Variants in TYW1B observed in about 807,000 individuals in gnomAD.
TYW1B encodes the protein S-adenosyl-L-methionine-dependent tRNA 4-demethylwyosine synthase TYW1B.
A neutral mutation model predicts 86.9 loss-of-function variants in TYW1B; 73 were observed. The observed-to-expected ratio is 0.84, with a 90% CI of 0.70 to 1.02. TYW1B has a LOEUF of 1.02. TYW1B is among the 50% of genes least tolerant of loss of function. The pLI, the probability that TYW1B is intolerant of heterozygous loss-of-function variation, is 0.00. For synonymous variants in TYW1B, 248 were observed against 292.8 expected (o/e 0.85, Z 1.56); for missense variants, 637 against 827.4 (o/e 0.77, Z 2.82).
intron 11 of TYW1B, among the ~76,000 whole-genome samples, chr7:72,635,896 T>G (rs1336183573): frequency 6.6e-6 from 1 of 152,248 alleles, no homozygotes; most frequent in Non-Finnish European, 1.5e-5. Flanking sequence ...GAATTCCATC[T>G]CTTCTTGGCC....
chr7:72,595,443 G>T (rs1811508166), intron 13 of TYW1B, among the ~76,000 whole-genome samples: 1 of 152,148 alleles, frequency 6.6e-6, no homozygotes, highest in African/African-American at 2.4e-5. Flanking sequence ...CAACACTTTG[G>T]AAGGCTGAGG....
rs372396093 is a variant in TYW1B, at chr7:72,619,610, C to T, written c.1618-2771G>A. On this transcript the variant is annotated intron_variant, in intron 12 of 13. Transcript: ENST00000620995. Reference sequence around the variant, plus strand: ...GAGCCGAGATTGCGCCACTGCAGTCCGCAGTCTGGCCTGGGCGACAGAGCA... The same window carrying T: ...GAGCCGAGATTGCGCCACTGCAGTCTGCAGTCTGGCCTGGGCGACAGAGCA... Among the ~76,000 whole-genome samples the T allele has an allele frequency of 4.8e-5, 7 of 145,440 alleles. No individual in the cohort carries two copies. The South Asian group carries it at 8.7e-4, about 18-fold the overall frequency.
chr7:72,601,512 G>T (rs1252411468), intron 13 of TYW1B, among the ~76,000 whole-genome samples: 1 of 152,032 alleles, frequency 6.6e-6, no homozygotes, highest in Non-Finnish European at 1.5e-5. Flanking sequence ...ATTGCACTTA[G>T]ATATTTACCC....
chr7:72,607,897 C>A (rs1348317772), intron 13 of TYW1B, among the ~76,000 whole-genome samples: 1 of 152,168 alleles, frequency 6.6e-6, no homozygotes, highest in Non-Finnish European at 1.5e-5. Context: ...CAGGCCAAGG[C>A]AACCTGTAAT....
intron 11 of TYW1B, among the ~76,000 whole-genome samples, chr7:72,673,446 G>C (rs1268372546): frequency 6.1e-4 from 92 of 151,450 alleles, no homozygotes; most frequent in East Asian, 1.7e-3. Flanking sequence ...CCTGTCATCT[G>C]CAACATGGAT....
At chr7:72,786,019 G>GT (rs1788123594) in intron 6 of TYW1B, among the ~76,000 whole-genome samples, 1 of 151,954 alleles carries the variant, frequency 6.6e-6, no homozygotes, top group Non-Finnish European at 1.5e-5. Context: ...GGCTGAGGCA[G>GT]AATTGCATGA....
chr7:72,694,227 T>C lies in TYW1B; in HGVS notation c.1506+460A>G, dbSNP rs1585908306. Among the ~76,000 whole-genome samples, 3 of 152,300 alleles carry C rather than the reference T, an allele frequency of 2.0e-5. No homozygotes were observed. The East Asian group carries it at 5.8e-4, about 29-fold the overall frequency. ...ATCCGCCTGCCTCACCCTCCCAAAGTCCTGGGTTTGCAGGCAGGCGTGAAC... is the reference window on the plus strand; with the variant it reads ...ATCCGCCTGCCTCACCCTCCCAAAGCCCTGGGTTTGCAGGCAGGCGTGAAC... On this transcript the variant is annotated intron_variant, in intron 11 of 13. Transcript: ENST00000620995.
rs1436464752 is a variant in TYW1B, at chr7:72,600,853, C to A, written c.1785+15819G>T. ...CTCCAGCCTGGGCGACAGAGAGAGA[C>A]CTTGTCTCTTAAAAAAAAAAGGGCC... On this transcript the variant is annotated intron_variant, in intron 13 of 13. Coordinates refer to ENST00000620995, the MANE Select transcript of TYW1B (RefSeq NM_001145440.3). 2.6e-4 allele frequency among the ~76,000 whole-genome samples: 39 copies of A among 151,870 alleles called. No homozygotes were observed. The East Asian group carries it at 5.0e-3, about 20-fold the overall frequency.
At chr7:72,826,822 A>G (rs782262481) in intron 2 of TYW1B, 33 bp downstream of exon 2, 1 of 1,603,076 alleles carries the variant, frequency 6.2e-7, no homozygotes, top group South Asian at 1.1e-5. Context: ...TCTGATGCCT[A>G]AATACTCTAT....
chr7:72,727,484 G>T lies in TYW1B; in HGVS notation c.1192+1338C>A, dbSNP rs535892073. Among the ~76,000 whole-genome samples, 512 of 152,234 alleles carry T rather than the reference G, an allele frequency of 3.4e-3. 2 individuals are homozygous for T. The highest frequency in any genetic ancestry group is 0.012 in the African/African-American group (483 of 41,528). ...CATGTACAGTAGTGGTTCTCAAAGCGTGGTCCCCAGTTGAATAACATCAAC... is the reference window on the plus strand; with the variant it reads ...CATGTACAGTAGTGGTTCTCAAAGCTTGGTCCCCAGTTGAATAACATCAAC... On this transcript the variant is annotated intron_variant, in intron 9 of 13. Transcript: ENST00000620995.
chr7:72,702,165 T>C (rs1484936751), intron 10 of TYW1B, among the ~76,000 whole-genome samples: 1 of 152,188 alleles, frequency 6.6e-6, no homozygotes, highest in Non-Finnish European at 1.5e-5. Flanking sequence ...CAATTGTCTA[T>C]AATTGTTTAG....
intron 11 of TYW1B, among the ~76,000 whole-genome samples, chr7:72,667,873 A>G (rs1813506261): frequency 6.6e-6 from 1 of 152,174 alleles, no homozygotes; most frequent in African/African-American, 2.4e-5. Flanking sequence ...AGAAAATTCT[A>G]TTCCCTTGTG....
intron 11 of TYW1B, among the ~76,000 whole-genome samples, chr7:72,648,443 TGAGGCATGA>T (rs1422910470): frequency 6.6e-6 from 1 of 150,494 alleles, no homozygotes; most frequent in Non-Finnish European, 1.5e-5. Context: ...CTCGGAAGGC[TGAGGCATGA>T]GAATCACTTG....
At position 72,616,583 on chromosome 7, in the gene TYW1B, T is replaced by C; in HGVS notation, c.1785+89A>G. 2.5e-6 allele frequency: 4 copies of C among 1,602,902 alleles called. No homozygotes were observed. In the South Asian group the frequency reaches 3.3e-5, roughly 13 times the overall value. On this transcript the variant is annotated intron_variant, in intron 13 of 13. Transcript: ENST00000620995. ...GTAGCAAGCACGCAGATCATCCCTA[T>C]AACAACGTAAGAGGAAAATAAAGAG... is the stretch of plus-strand genomic sequence containing the variant.
chr7:72,736,415 G>A (rs575879887), intron 8 of TYW1B, among the ~76,000 whole-genome samples: 4 of 152,212 alleles, frequency 2.6e-5, no homozygotes, highest in South Asian at 2.1e-4. Context: ...TCTTTATTAC[G>A]GCTAGCAGAT....
intron 13 of TYW1B, among the ~76,000 whole-genome samples, chr7:72,605,238 A>G (rs1316073998): frequency 6.6e-6 from 1 of 152,186 alleles, no homozygotes. Context: ...TCCAGAGGCT[A>G]TATCATGTTG....
intron 11 of TYW1B, among the ~76,000 whole-genome samples, chr7:72,634,528 G>T (rs1170457036): frequency 1.3e-5 from 2 of 149,458 alleles, no homozygotes; most frequent in Non-Finnish European, 3.0e-5. Flanking sequence ...CATTTTCTAG[G>T]ATCTACCTAA....
In TYW1B at chr7:72,828,175, G is replaced by A. The variant is rs1554481873; in HGVS notation, c.-100C>T. On this transcript the variant is annotated 5_prime_UTR_variant, in exon 1 of 14. Transcript: ENST00000620995. ...CACCGAGCTACCTCGCGGCGTTAGC[G>A]CCGTACCGAGTGGCTGCAGAACTGT... 1.9e-6 allele frequency: 3 copies of A among 1,578,876 alleles called. No individual in the cohort carries two copies. The highest frequency in any genetic ancestry group is 2.3e-5 in the East Asian group (1 of 43,352).
At chr7:72,700,999 G>A (rs1463842135) in intron 10 of TYW1B, among the ~76,000 whole-genome samples, 1 of 152,008 alleles carries the variant, frequency 6.6e-6, no homozygotes, top group Non-Finnish European at 1.5e-5. Context: ...GGGAGGCGGA[G>A]GTTGCAGTGA....
Sources: allele counts gnomAD v4.1 joint callset (sites outside exome capture counted in the v4.1 genomes callset), GRCh38; gene constraint gnomAD v4.1.1; transcripts MANE v1.5; gene names NCBI Gene and HGNC (gene_info 2026-07-23, HGNC 2026-07-21).